Variants in PPM1L observed in about 807,000 individuals in gnomAD.
PPM1L encodes the protein protein phosphatase, Mg2+/Mn2+ dependent 1L.
Under a neutral mutation model 31.4 loss-of-function variants are expected in PPM1L, and 13 were observed. The observed-to-expected ratio is 0.41, with a 90% CI of 0.27 to 0.66. The LOEUF (loss-of-function observed/expected upper bound fraction) is 0.66. Ranked by LOEUF, PPM1L falls within the 30% of genes least tolerant of loss-of-function variation. The pLI is 0.29. For synonymous variants in PPM1L, 184 were observed against 175.4 expected (o/e 1.05, Z -0.39); for missense variants, 326 against 453.7 (o/e 0.72, Z 2.56).
intron 2 of PPM1L, among the ~76,000 whole-genome samples, chr3:160,969,869 A>G (rs1716267149): frequency 6.6e-6 from 1 of 152,368 alleles, no homozygotes; most frequent in South Asian, 2.1e-4. Context: ...AACTAAATAA[A>G]TATACTTTAG....
At chr3:161,027,822 C>CA (rs1412765187) in intron 2 of PPM1L, among the ~76,000 whole-genome samples, 3 of 151,898 alleles carry the variant, frequency 2.0e-5, no homozygotes, top group Admixed American at 1.3e-4. Flanking sequence ...AATAAGTTTG[C>CA]AAAAAAATTT....
At chr3:160,927,876 C>T (rs1714655143) in intron 1 of PPM1L, among the ~76,000 whole-genome samples, 1 of 152,046 alleles carries the variant, frequency 6.6e-6, no homozygotes, top group Non-Finnish European at 1.5e-5. Context: ...GAGTGTCTGG[C>T]ACATAGTGTG....
chr3:160,830,186 T>G lies in PPM1L; in HGVS notation c.399+73479T>G, dbSNP rs1249559120. Among the ~76,000 whole-genome samples the G allele has an allele frequency of 2.0e-5, 3 of 152,192 alleles. No homozygotes were observed. In the East Asian group the frequency reaches 5.8e-4, roughly 29 times the overall value. ...TTGTTACCATCCTTCTTATCATCCT[T>G]ATAGTCATTGTTGTAGCTACTATTA... On this transcript the variant is annotated intron_variant, in intron 1 of 3. Transcript: ENST00000498165.
At chr3:160,933,373 C>G (rs564073857) in intron 1 of PPM1L, among the ~76,000 whole-genome samples, 1 of 151,790 alleles carries the variant, frequency 6.6e-6, no homozygotes, top group Non-Finnish European at 1.5e-5. Context: ...CAATAGAAAA[C>G]AAGGCAATTA....
intron 1 of PPM1L, among the ~76,000 whole-genome samples, chr3:160,828,732 T>C (rs949652088): frequency 6.6e-6 from 1 of 152,018 alleles, no homozygotes; most frequent in Non-Finnish European, 1.5e-5. Flanking sequence ...ATTATTTCCT[T>C]AGACTCCATA....
At chr3:160,771,628 A>C (rs1424482938) in intron 1 of PPM1L, among the ~76,000 whole-genome samples, 2 of 142,978 alleles carry the variant, frequency 1.4e-5, no homozygotes, top group African/African-American at 2.6e-5. Flanking sequence ...TTAGTCTCTT[A>C]AAGTTTTAAA....
chr3:161,077,162 G>C lies in PPM1L; in HGVS notation c.*8005G>C, dbSNP rs1260655066. 1 of 152,210 alleles carries C rather than the reference G, an allele frequency of 6.6e-6. No individual in the cohort carries two copies. The highest frequency in any genetic ancestry group is 6.5e-5 in the Admixed American group (1 of 15,280). The allele number at this position is 152,210 out of a possible 1,614,324, so 9.4% of individuals were successfully genotyped here. A position where few individuals can be genotyped will look rare whatever the true frequency, so the allele number is the denominator to read the frequency against. On this transcript the variant is annotated 3_prime_UTR_variant, in exon 4 of 4. Coordinates refer to ENST00000498165, the MANE Select transcript of PPM1L (RefSeq NM_139245.4). Reference sequence around the variant, plus strand: ...TTATCTTCATGATTTCTTCCAATGGGCTTAGATTTGTTGGGACAGGGCAGA... The same window carrying C: ...TTATCTTCATGATTTCTTCCAATGGCCTTAGATTTGTTGGGACAGGGCAGA...
At chr3:161,055,228 T>A (rs1435197343) in intron 2 of PPM1L, among the ~76,000 whole-genome samples, 1 of 152,160 alleles carries the variant, frequency 6.6e-6, no homozygotes, top group East Asian at 1.9e-4. Flanking sequence ...TGGCATTGAT[T>A]ATTAGAAGAA....
intron 1 of PPM1L, among the ~76,000 whole-genome samples, chr3:160,916,520 A>G (rs1339796516): frequency 6.6e-6 from 1 of 152,176 alleles, no homozygotes; most frequent in Non-Finnish European, 1.5e-5. Flanking sequence ...GGATAATAGA[A>G]AAATATCGAT....
chr3:160,943,817 G>A (rs1245857357), intron 1 of PPM1L, among the ~76,000 whole-genome samples: 1 of 152,120 alleles, frequency 6.6e-6, no homozygotes, highest in East Asian at 1.9e-4. Flanking sequence ...TTGGTTTGTT[G>A]TGTGTGTCTC....
At chr3:160,890,683 A>C (rs1167415360) in intron 1 of PPM1L, among the ~76,000 whole-genome samples, 8 of 152,232 alleles carry the variant, frequency 5.3e-5, no homozygotes, top group Non-Finnish European at 7.3e-5. Flanking sequence ...AATCCTAAGC[A>C]AAAAGAACAA....
At chr3:161,042,761 CTGTAATCCCAGCACTTTGGGAGGCT>C (rs1334613786) in intron 2 of PPM1L, among the ~76,000 whole-genome samples, 1 of 152,198 alleles carries the variant, frequency 6.6e-6, no homozygotes, top group African/African-American at 2.4e-5. Flanking sequence ...TGGCTCACGC[CTGTAATCCCAGCACTTTGGGAGGCT>C]GAGGCGGGTG....
Position 160,905,194 on chromosome 3 carries a change from A to T in PPM1L, c.400-56542A>T, listed in dbSNP as rs201519198. ...CATATATCTTTATTATACGAAATTTATTTTTGCATTTCCCTACCAGTTCCA... is the reference window on the plus strand; with the variant it reads ...CATATATCTTTATTATACGAAATTTTTTTTTGCATTTCCCTACCAGTTCCA... On this transcript the variant is annotated intron_variant, in intron 1 of 3. Transcript: ENST00000498165. Among the ~76,000 whole-genome samples, 3 of 152,050 alleles carry T rather than the reference A, an allele frequency of 2.0e-5. No homozygotes were observed. The East Asian group carries it at 5.8e-4, about 29-fold the overall frequency.
At position 161,077,600 on chromosome 3, in the gene PPM1L, G is replaced by A. The variant is rs184683443; in HGVS notation, c.*8443G>A. 5.9e-5 allele frequency: 9 copies of A among 152,216 alleles called. No homozygotes were observed. The highest frequency in any genetic ancestry group is 1.7e-4 in the African/African-American group (7 of 41,450). The allele number at this position is 152,216 out of a possible 1,614,324, so 9.4% of individuals were successfully genotyped here. On this transcript the variant is annotated 3_prime_UTR_variant, in exon 4 of 4. Coordinates refer to ENST00000498165, the MANE Select transcript of PPM1L (RefSeq NM_139245.4). ...GCCCCCAAAGACAGCCCAGAACTGA[G>A]TATCTTCAGTGTTCCTGAGTGTAAA...
At chr3:160,860,870 C>G (rs1477651099) in intron 1 of PPM1L, among the ~76,000 whole-genome samples, 2 of 152,112 alleles carry the variant, frequency 1.3e-5, no homozygotes, top group Admixed American at 1.3e-4. Context: ...TATAAGGGCT[C>G]TAATCCCATT....
intron 1 of PPM1L, among the ~76,000 whole-genome samples, chr3:160,870,043 C>T (rs1467956627): frequency 1.3e-5 from 2 of 152,142 alleles, no homozygotes; most frequent in Non-Finnish European, 2.9e-5. Flanking sequence ...AAAATTTGCC[C>T]TGAGGACAAG....
intron 1 of PPM1L, among the ~76,000 whole-genome samples, chr3:160,915,545 A>T (rs1714139294): frequency 6.6e-6 from 1 of 152,190 alleles, no homozygotes; most frequent in African/African-American, 2.4e-5. Flanking sequence ...TCTTCACAGA[A>T]TTGGAAAAAG....
chr3:160,976,327 A>G (rs1277883613), intron 2 of PPM1L, among the ~76,000 whole-genome samples: 1 of 145,120 alleles, frequency 6.9e-6, no homozygotes, highest in African/African-American at 2.6e-5. Context: ...ATATTGGTCT[A>G]AAATTCTCTT....
At chr3:161,048,808 T>A (rs994197995) in intron 2 of PPM1L, among the ~76,000 whole-genome samples, 13 of 151,550 alleles carry the variant, frequency 8.6e-5, no homozygotes, top group Non-Finnish European at 1.8e-4. Flanking sequence ...GAAACCATCA[T>A]TCTCAGCAAA....
Sources: allele counts gnomAD v4.1 joint callset (sites outside exome capture counted in the v4.1 genomes callset), GRCh38; gene constraint gnomAD v4.1.1; transcripts MANE v1.5; gene names NCBI Gene and HGNC (gene_info 2026-07-23, HGNC 2026-07-21).